RALGPS2: variants seen among roughly 807,000 people sequenced by gnomAD.
The protein encoded by RALGPS2 is ras-specific guanine nucleotide-releasing factor RalGPS2.
RALGPS2 carries 43 observed loss-of-function variants against 86.8 expected under a neutral mutation model. The observed-to-expected ratio is 0.50, with a 90% CI of 0.39 to 0.64. RALGPS2 has a LOEUF of 0.64. RALGPS2 is among the 30% of genes least tolerant of loss of function. The pLI is 0.00. For missense variants in RALGPS2, 536 were observed against 694.6 expected, an observed-to-expected ratio of 0.77 and a Z score of 2.57; for synonymous variants, 243 against 231.3, an observed-to-expected ratio of 1.05 and a Z score of -0.46.
At chr1:178,868,457 A>G (rs555194228) in intron 8 of RALGPS2, among the ~76,000 whole-genome samples, 1 of 152,030 alleles carries the variant, frequency 6.6e-6, no homozygotes, top group Non-Finnish European at 1.5e-5. Context: ...ACTATGAAAT[A>G]AACTACCAAA....
intron 12 of RALGPS2, 106 bp from the exon 13 acceptor site, chr1:178,885,852 GGTAAGATCTGA>G: frequency 1.1e-6 from 1 of 891,264 alleles, no homozygotes; most frequent in Non-Finnish European, 1.6e-6. Flanking sequence ...AGGCTTTTAT[GGTAAGATCTGA>G]GTATGACAGT....
Position 178,904,341 on chromosome 1 carries a change from C to T in RALGPS2, c.1630+2130C>T, listed in dbSNP as rs577650903. Reference sequence around the variant, plus strand: ...CTGACTGTTGCTTTTGCTGTGCAAACGCTCTTTAGTTTAATTAGGTCCCAA... The same window carrying T: ...CTGACTGTTGCTTTTGCTGTGCAAATGCTCTTTAGTTTAATTAGGTCCCAA... On this transcript the variant is annotated intron_variant, in intron 18 of 19. Transcript: ENST00000367635. Among the ~76,000 whole-genome samples, 9 of 152,062 alleles carry T rather than the reference C, an allele frequency of 5.9e-5. No homozygotes were observed. The East Asian group carries it at 7.7e-4, about 13-fold the overall frequency.
intron 6 of RALGPS2, among the ~76,000 whole-genome samples, chr1:178,819,701 A>G (rs903181994): frequency 3.1e-4 from 47 of 152,238 alleles, no homozygotes; most frequent in Admixed American, 7.2e-4. Flanking sequence ...TTCATATCTT[A>G]CCCAATATTT....
At chr1:178,861,551 A>G (rs998525844) in intron 8 of RALGPS2, among the ~76,000 whole-genome samples, 3 of 152,128 alleles carry the variant, frequency 2.0e-5, no homozygotes, top group African/African-American at 7.2e-5. Flanking sequence ...AGTGTTTAAA[A>G]ATGTGAATAG....
At chr1:178,868,967 A>G (rs1017472740) in intron 8 of RALGPS2, 1 of 152,028 alleles carries the variant, frequency 6.6e-6, no homozygotes, top group African/African-American at 2.4e-5. Flanking sequence ...TTTTCTGAAA[A>G]CATTCTCTTA....
intron 1 of RALGPS2, among the ~76,000 whole-genome samples, chr1:178,753,128 G>A (rs1651771876): frequency 6.6e-6 from 1 of 152,170 alleles, no homozygotes; most frequent in African/African-American, 2.4e-5. Context: ...TGCCATACTG[G>A]TTATGTGGAC....
intron 8 of RALGPS2, chr1:178,865,574 G>A: frequency 6.2e-7 from 1 of 1,613,916 alleles, no homozygotes; most frequent in Non-Finnish European, 8.5e-7. Flanking sequence ...TTGCCCCTTG[G>A]TGTTGACACA....
intron 8 of RALGPS2, chr1:178,865,494 GC>G (rs1658342907): frequency 6.2e-7 from 1 of 1,613,970 alleles, no homozygotes; most frequent in Non-Finnish European, 8.5e-7. Context: ...TCCCGCTTCT[GC>G]CTGGAGAGCA....
intron 8 of RALGPS2, among the ~76,000 whole-genome samples, chr1:178,853,427 T>G (rs1657312747): frequency 6.6e-6 from 1 of 152,140 alleles, no homozygotes; most frequent in South Asian, 2.1e-4. Flanking sequence ...AATTTTGACT[T>G]TAAAACCAGA....
intron 1 of RALGPS2, among the ~76,000 whole-genome samples, chr1:178,745,427 A>G (rs1651262251): frequency 6.6e-6 from 1 of 152,260 alleles, no homozygotes. Flanking sequence ...TATAAGGATG[A>G]TGAAATAGAT....
intron 8 of RALGPS2, among the ~76,000 whole-genome samples, chr1:178,875,752 A>G (rs1658974953): frequency 6.6e-6 from 1 of 152,150 alleles, no homozygotes; most frequent in African/African-American, 2.4e-5. Context: ...TCTTGAAAAA[A>G]AAAATGGTTT....
rs114481721 is a variant in RALGPS2, at chr1:178,828,669, G to A, written c.481-4755G>A. ...ACAAGTCCCACAGGTATATCAAAAG[G>A]TGCTCAACATCGCTAATCATCAGGG... On this transcript the variant is annotated intron_variant, in intron 7 of 19. Coordinates refer to ENST00000367635, the MANE Select transcript of RALGPS2 (RefSeq NM_152663.5). 3.0e-3 allele frequency among the ~76,000 whole-genome samples: 458 copies of A among 152,214 alleles called. 1 individual carries two copies. Among genetic ancestry groups the A allele is most frequent in the African/African-American group, 0.011 (451 of 41,546 alleles).
At chr1:178,779,376 A>T (rs1025444744) in intron 2 of RALGPS2, among the ~76,000 whole-genome samples, 9 of 152,026 alleles carry the variant, frequency 5.9e-5, no homozygotes, top group Non-Finnish European at 1.0e-4. Flanking sequence ...AGTATATTGG[A>T]TGAGAATAAT....
intron 1 of RALGPS2, among the ~76,000 whole-genome samples, chr1:178,758,055 A>AT (rs1416791847): frequency 6.6e-6 from 1 of 151,798 alleles, no homozygotes; most frequent in Non-Finnish European, 1.5e-5. Flanking sequence ...TTTTCTCTAG[A>AT]TTTTTTAGTT....
At chr1:178,885,417 A>G in intron 12 of RALGPS2, 1 of 525,074 alleles carries the variant, frequency 1.9e-6, no homozygotes, top group Non-Finnish European at 3.3e-6. Context: ...TTTGTCAACA[A>G]TGCATTTATA....
intron 8 of RALGPS2, among the ~76,000 whole-genome samples, chr1:178,862,702 G>A (rs1174330019): frequency 6.6e-6 from 1 of 151,892 alleles, no homozygotes; most frequent in Non-Finnish European, 1.5e-5. Context: ...AAATATTTAG[G>A]GGAAAATGAG....
chr1:178,802,012 A>G (rs1290158384), intron 4 of RALGPS2, among the ~76,000 whole-genome samples: 1 of 152,140 alleles, frequency 6.6e-6, no homozygotes, highest in Non-Finnish European at 1.5e-5. Flanking sequence ...TCACTAGCCT[A>G]TCTCATACAA....
At chr1:178,783,968 T>C (rs1028070659) in intron 2 of RALGPS2, among the ~76,000 whole-genome samples, 1 of 152,166 alleles carries the variant, frequency 6.6e-6, no homozygotes, top group African/African-American at 2.4e-5. Context: ...GAATGGATTA[T>C]ATGTAACTCT....
chr1:178,891,836 T>C (rs2102389184), intron 14 of RALGPS2, among the ~76,000 whole-genome samples: 1 of 152,164 alleles, frequency 6.6e-6, no homozygotes, highest in South Asian at 2.1e-4. Context: ...ATGAATTACT[T>C]ATATAAATCC....
Sources: allele counts gnomAD v4.1 joint callset (sites outside exome capture counted in the v4.1 genomes callset), GRCh38; gene constraint gnomAD v4.1.1; transcripts MANE v1.5; gene names NCBI Gene and HGNC (gene_info 2026-07-23, HGNC 2026-07-21).